The following ARHGAP20 variants were observed in gnomAD, a reference collection of about 807,000 sequenced individuals.
ARHGAP20 encodes Rho GTPase activating protein 20, also known as rho GTPase-activating protein 20.
Under a neutral mutation model 73.7 loss-of-function variants are expected in ARHGAP20, and 34 were observed. The ratio of observed to expected loss-of-function variants is 0.46; its 90% CI spans 0.35 to 0.61. The LOEUF (loss-of-function observed/expected upper bound fraction) is 0.61. Among genes scored for constraint, ARHGAP20 ranks in the 20% least tolerant of loss-of-function variants. ARHGAP20 has a pLI of 0.00. For synonymous variants in ARHGAP20, 523 were observed against 518.2 expected, an observed-to-expected ratio of 1.01 and a Z score of -0.13; for missense variants, 1,314 against 1,420.9, an observed-to-expected ratio of 0.92 and a Z score of 1.21.
chr11:110,676,983 G>C (rs1045574961), intron 2 of ARHGAP20, among the ~76,000 whole-genome samples: 14 of 152,122 alleles, frequency 9.2e-5, no homozygotes, highest in African/African-American at 3.4e-4. Flanking sequence ...TCAATGTATA[G>C]AAATTATTCT....
intron 2 of ARHGAP20, among the ~76,000 whole-genome samples, chr11:110,682,204 GTCTC>G (rs1337739938): frequency 6.6e-6 from 1 of 152,124 alleles, no homozygotes; most frequent in Non-Finnish European, 1.5e-5. Context: ...TCTTCAAAGA[GTCTC>G]TCTATGAGAA....
chr11:110,648,192 A>AATATATATATATGTAAAT, intron 2 of ARHGAP20, among the ~76,000 whole-genome samples: 1 of 120,276 alleles, frequency 8.3e-6, no homozygotes, highest in African/African-American at 3.5e-5. Context: ...TATATATGTA[A>AATATATATATATGTAAAT]ATATATATAT....
At chr11:110,699,110 G>A (rs1482955987) in intron 1 of ARHGAP20, among the ~76,000 whole-genome samples, 1 of 151,530 alleles carries the variant, frequency 6.6e-6, no homozygotes, top group East Asian at 1.9e-4. Flanking sequence ...TTGATATGTT[G>A]CCTATTTTCA....
intron 2 of ARHGAP20, among the ~76,000 whole-genome samples, chr11:110,666,064 C>T (rs1949718564): frequency 6.6e-6 from 1 of 151,968 alleles, no homozygotes; most frequent in Non-Finnish European, 1.5e-5. Context: ...CACTATGATT[C>T]ATTCCACATA....
chr11:110,637,833 T>C (rs1948999833), intron 2 of ARHGAP20, among the ~76,000 whole-genome samples: 1 of 152,070 alleles, frequency 6.6e-6, no homozygotes. Flanking sequence ...GTCTAAAGGA[T>C]GAACAGAGAG....
At chr11:110,581,432 C>CT (rs1374573701) in intron 14 of ARHGAP20, among the ~76,000 whole-genome samples, 1 of 152,122 alleles carries the variant, frequency 6.6e-6, no homozygotes, top group African/African-American at 2.4e-5. Flanking sequence ...GACGAATGGG[C>CT]TTTCCTTAAG....
At chr11:110,611,038 A>G (rs1474874413) in intron 7 of ARHGAP20, among the ~76,000 whole-genome samples, 2 of 152,124 alleles carry the variant, frequency 1.3e-5, no homozygotes, top group African/African-American at 2.4e-5. Flanking sequence ...ATATATATAC[A>G]GCATATATAA....
In ARHGAP20 at chr11:110,623,379, G is replaced by A. The variant is rs74471846; in HGVS notation, c.503+783C>T. The stretch of plus-strand genomic sequence containing the variant: ...GTTATTCAAAATCACAGGTGTGATT[G>A]TGATTGTTCACTCTGAACTGGACAG... On this transcript the variant is annotated intron_variant, in intron 4 of 14. Coordinates refer to ENST00000683387, the MANE Select transcript of ARHGAP20 (RefSeq NM_001384657.1). Among the ~76,000 whole-genome samples, 596 of 152,318 alleles carry A rather than the reference G, an allele frequency of 3.9e-3. 9 individuals are homozygous for A. The highest frequency in any genetic ancestry group is 0.013 in the African/African-American group (526 of 41,576).
chr11:110,634,360 G>A (rs565763465), intron 2 of ARHGAP20, among the ~76,000 whole-genome samples: 3 of 152,252 alleles, frequency 2.0e-5, no homozygotes, highest in African/African-American at 4.8e-5. Flanking sequence ...ACAGGTAAGC[G>A]AGAAACAATC....
intron 1 of ARHGAP20, among the ~76,000 whole-genome samples, chr11:110,693,044 A>T (rs762297822): frequency 3.3e-5 from 5 of 152,066 alleles, no homozygotes; most frequent in Non-Finnish European, 7.4e-5. Flanking sequence ...GAGAATGGAT[A>T]ATCAAAGAAG....
chr11:110,628,902 T>C (rs997364121), intron 3 of ARHGAP20, among the ~76,000 whole-genome samples: 2 of 152,158 alleles, frequency 1.3e-5, no homozygotes, highest in Non-Finnish European at 2.9e-5. Flanking sequence ...ACTGTCTTTA[T>C]ATAAAATATT....
rs1948465388 is a variant in ARHGAP20 at position 110,615,569 on chromosome 11, G to A, written c.529C>T (p.Leu177Phe). The change falls in exon 5 of 15, where the codon CTC becomes TTC. Residue 177 changes from leucine to phenylalanine, a missense_variant. Leu to Phe is a conservative substitution (Grantham distance 22, BLOSUM62 0). Coordinates refer to ENST00000683387, the MANE Select transcript of ARHGAP20 (RefSeq NM_001384657.1). ...AAAAAATACCTCTGAAGGAGAGAGA[G>A]CCATTTGTCCTTTTGTTCTGGAGAA... ...FSSPEQKDKW[L>F]SLLQRYINLE... The A allele has an allele frequency of 6.2e-7, 1 of 1,612,186 alleles. No individual in the cohort carries two copies. Among genetic ancestry groups the A allele is most frequent in the Non-Finnish European group, 8.5e-7 (1 of 1,179,278 alleles).
intron 2 of ARHGAP20, among the ~76,000 whole-genome samples, chr11:110,655,005 T>C (rs1366756325): frequency 6.6e-6 from 1 of 152,210 alleles, no homozygotes; most frequent in Non-Finnish European, 1.5e-5. Context: ...TCTGGATGTC[T>C]ACATGGTGAG....
intron 10 of ARHGAP20, 22 bp downstream of exon 10, chr11:110,591,955 T>C: frequency 6.2e-7 from 1 of 1,612,706 alleles, no homozygotes; most frequent in Non-Finnish European, 8.5e-7. Flanking sequence ...CCCATCAGTT[T>C]ACAGACCAAA....
chr11:110,700,608 C>CT (rs1416694861), intron 1 of ARHGAP20, among the ~76,000 whole-genome samples: 7 of 150,272 alleles, frequency 4.7e-5, no homozygotes, highest in Non-Finnish European at 8.9e-5. Context: ...TATTATTATA[C>CT]TTTAAGTTTT....
chr11:110,677,720 G>T (rs1263761070), intron 2 of ARHGAP20, among the ~76,000 whole-genome samples: 1 of 151,934 alleles, frequency 6.6e-6, no homozygotes, highest in African/African-American at 2.4e-5. Flanking sequence ...TAATAAAAAA[G>T]ATAGAAAATA....
At chr11:110,676,951 T>G (rs1038127429) in intron 2 of ARHGAP20, among the ~76,000 whole-genome samples, 1 of 152,152 alleles carries the variant, frequency 6.6e-6, no homozygotes, top group South Asian at 2.1e-4. Flanking sequence ...CATGGGAACC[T>G]GACAAAGGAT....
At chr11:110,647,279 G>A (rs1000427210) in intron 2 of ARHGAP20, among the ~76,000 whole-genome samples, 1 of 152,070 alleles carries the variant, frequency 6.6e-6, no homozygotes, top group African/African-American at 2.4e-5. Context: ...CTATGAAAGA[G>A]ATCAGGTCAA....
At chr11:110,598,370 C>T (rs773151808) in intron 9 of ARHGAP20, among the ~76,000 whole-genome samples, 5 of 152,182 alleles carry the variant, frequency 3.3e-5, no homozygotes, top group Non-Finnish European at 7.3e-5. Context: ...CCAAGAACTA[C>T]TTCAGACTAC....
Sources: gnomAD v4.1 joint callset for allele counts (sites outside exome capture counted in the v4.1 genomes callset) on GRCh38, gnomAD v4.1.1 for gene constraint, MANE v1.5 for transcripts, NCBI Gene and HGNC (gene_info 2026-07-23, HGNC 2026-07-21) for gene names.